Variants in ZFX observed in about 807,000 individuals in gnomAD.
ZFX encodes the protein zinc finger X-chromosomal protein.
For missense variants in ZFX, 362 were observed against 628.3 expected (o/e 0.58, Z 4.53); for synonymous variants, 196 against 226.8 (o/e 0.86, Z 1.22).
intron 4 of ZFX, among the ~76,000 whole-genome samples, chrX:24,176,956 G>A (rs890792281): frequency 1.8e-5 from 2 of 109,779 alleles, no homozygotes. Context: ...TTATTGAGAC[G>A]GAGTCTTGCT....
In ZFX at chrX:24,180,959, A is replaced by G. The variant is rs777179965; in HGVS notation, c.646+1189A>G. ...TCTTGGTACCAATTTCGGAGATAAA[A>G]TTCTAGATTGGCTAGGCCACGGTTC... On this transcript the variant is annotated intron_variant, in intron 5 of 9. Coordinates refer to ENST00000304543, the MANE Select transcript of ZFX (RefSeq NM_003410.4). 3.6e-5 allele frequency among the ~76,000 whole-genome samples: 4 copies of G among 112,412 alleles called. No homozygotes were observed. The South Asian group carries it at 1.5e-3, about 41-fold the overall frequency.
chrX:24,172,904 G>C (rs1934758198), intron 4 of ZFX, 104 bp downstream of exon 4: 1 of 847,382 alleles, frequency 1.2e-6, no homozygotes, highest in African/African-American at 2.1e-5. Flanking sequence ...AGGTTATCTT[G>C]TTATCCTGTC....
In ZFX at chrX:24,179,562, T is replaced by C; in HGVS notation, c.438T>C (p.His146=). The change falls in exon 5 of 10, where the codon CAT becomes CAC. Residue 146 remains histidine, a synonymous_variant. Coordinates refer to ENST00000304543, the MANE Select transcript of ZFX (RefSeq NM_003410.4). ...GDSIHVSDVG[H]VGHVGHVEHV... is the part of the protein sequence containing the mutation. ...CTATACATGTGTCTGACGTTGGACA[T>C]GTTGGACATGTTGGACATGTTGAAC... 8.3e-7 allele frequency: 1 copy of C among 1,210,534 alleles called. No individual in the cohort carries two copies. The highest frequency in any genetic ancestry group is 1.1e-6 in the Non-Finnish European group (1 of 894,996).
In ZFX at chrX:24,152,259, C is replaced by T. The variant is rs148664778; in HGVS notation, c.-140+459C>T. On this transcript the variant is annotated intron_variant, in intron 2 of 9. Transcript: ENST00000304543. Reference sequence around the variant, plus strand: ...CAAGTAATTCTCCTGCCTCAGCCTCCCGAGTAGCTGGGACTACAGGACCCT... The same window carrying T: ...CAAGTAATTCTCCTGCCTCAGCCTCTCGAGTAGCTGGGACTACAGGACCCT... 7.2e-3 allele frequency among the ~76,000 whole-genome samples: 785 copies of T among 109,583 alleles called. 2 individuals are homozygous for T. Among genetic ancestry groups the T allele is most frequent in the Non-Finnish European group, 8.9e-3 (466 of 52,636 alleles).
At chrX:24,150,961 C>G (rs747933779) in intron 1 of ZFX, 6 of 112,018 alleles carry the variant, frequency 5.4e-5, no homozygotes. Flanking sequence ...AAGTAGTGAT[C>G]TGTTGGTGGT....
At chrX:24,203,822 C>T (rs1056214995) in intron 5 of ZFX, among the ~76,000 whole-genome samples, 1 of 111,976 alleles carries the variant, frequency 8.9e-6, no homozygotes. Flanking sequence ...CCCATGGCAG[C>T]GATCAGTGCA....
At chrX:24,174,077 G>A (rs909863244) in intron 4 of ZFX, among the ~76,000 whole-genome samples, 7 of 109,950 alleles carry the variant, frequency 6.4e-5, no homozygotes, top group African/African-American at 2.3e-4. Context: ...TCTGGGTGTG[G>A]TGGTGCACAC....
chrX:24,193,968 C>T (rs1049069575), intron 5 of ZFX, among the ~76,000 whole-genome samples: 8 of 111,127 alleles, frequency 7.2e-5, no homozygotes, highest in East Asian at 2.8e-4. Flanking sequence ...ACTAACTCCC[C>T]GATCCCCTCC....
chrX:24,165,963 A>T (rs1933961122), intron 3 of ZFX, among the ~76,000 whole-genome samples: 1 of 112,731 alleles, frequency 8.9e-6, no homozygotes, highest in Non-Finnish European at 1.9e-5. Context: ...ATGAACATGG[A>T]TATTGCTAAA....
In ZFX at chrX:24,163,787, G is replaced by A. The variant is rs761180711; in HGVS notation, c.-28-8928G>A. Among the ~76,000 whole-genome samples the A allele has an allele frequency of 6.0e-5, 6 of 100,269 alleles. No individual in the cohort carries two copies. In the Admixed American group the frequency reaches 6.7e-4, roughly 11 times the overall value. The allele number at this position is 100,269 out of a possible 115,157, so 87.1% of individuals were successfully genotyped here. ...ATCTCCTGCCTTGGCTTCCCAAAGC[G>A]CTGGGATTACGGGTGTGAGCCACTG... On this transcript the variant is annotated intron_variant, in intron 3 of 9. Coordinates refer to ENST00000304543, the MANE Select transcript of ZFX (RefSeq NM_003410.4).
chrX:24,186,635 C>A (rs186642989), intron 5 of ZFX, among the ~76,000 whole-genome samples: 1 of 110,670 alleles, frequency 9.0e-6, no homozygotes, highest in East Asian at 2.8e-4. Context: ...AAAAAAAAAT[C>A]AAAAACCAAA....
intron 4 of ZFX, 132 bp downstream of exon 4, chrX:24,172,932 C>T (rs186897941): frequency 6.7e-6 from 4 of 599,684 alleles, no homozygotes; most frequent in African/African-American, 2.3e-5. Context: ...ACAGGTGTTA[C>T]GGTGAGCACA....
intron 4 of ZFX, chrX:24,177,840 T>C: frequency 1.3e-6 from 1 of 751,376 alleles, no homozygotes; most frequent in Non-Finnish European, 1.6e-6. Context: ...CAAATATGAG[T>C]TGAGGAGAGG....
chrX:24,154,895 A>G (rs1932638389), intron 3 of ZFX, among the ~76,000 whole-genome samples: 1 of 111,970 alleles, frequency 8.9e-6, no homozygotes, highest in South Asian at 3.7e-4. Flanking sequence ...ACAGAAAACC[A>G]AATACCGAAT....
At chrX:24,197,945 A>G (rs980957488) in intron 5 of ZFX, among the ~76,000 whole-genome samples, 2 of 111,932 alleles carry the variant, frequency 1.8e-5, no homozygotes, top group Non-Finnish European at 3.8e-5. Context: ...CTTGACAGGG[A>G]TGGGGGAACT....
rs779289100 is a variant in ZFX, at chrX:24,179,529, G to A, written c.405G>A (p.Thr135=). The A allele has an allele frequency of 5.6e-5, 68 of 1,210,847 alleles. No individual in the cohort carries two copies. The highest frequency in any genetic ancestry group is 2.1e-4 in the African/African-American group (12 of 57,368). ...TGTCTATGCCAGAACACGTCTTGAC[G>A]GGTGATTCTATACATGTGTCTGACG... ...ASMSMPEHVL[T]GDSIHVSDVG... Residue 135 remains threonine, a synonymous_variant, in exon 5 of 10, where the codon ACG becomes ACA. Transcript: ENST00000304543.
intron 3 of ZFX, among the ~76,000 whole-genome samples, chrX:24,159,113 C>G (rs1292985672): frequency 1.8e-5 from 2 of 111,039 alleles, no homozygotes; most frequent in Non-Finnish European, 3.8e-5. Flanking sequence ...ACCTCAGCCT[C>G]CCAAGTAGCT....
intron 4 of ZFX, among the ~76,000 whole-genome samples, chrX:24,175,858 C>T (rs1322501768): frequency 2.8e-5 from 3 of 108,800 alleles, no homozygotes; most frequent in Non-Finnish European, 5.8e-5. Context: ...GGATTACAGG[C>T]GTGAGCCACC....
In ZFX at chrX:24,188,388, TA is replaced by T. The variant is rs372331084; in HGVS notation, c.646+8627del. On this transcript the variant is annotated intron_variant, in intron 5 of 9. Transcript: ENST00000304543. ...GTATTTGCTTTTCAAAGACAAGGAT[TA>T]AAAAAAAACTGTTTTCAAAGCTTTA... 9.4e-3 allele frequency among the ~76,000 whole-genome samples: 1,024 copies of T among 109,506 alleles called. 12 individuals are homozygous for T. The highest frequency in any genetic ancestry group is 0.031 in the African/African-American group (936 of 30,125).
Sources: gnomAD v4.1 joint callset for allele counts (sites outside exome capture counted in the v4.1 genomes callset) on GRCh38, gnomAD v4.1.1 for gene constraint, MANE v1.5 for transcripts, NCBI Gene and HGNC (gene_info 2026-07-23, HGNC 2026-07-21) for gene names.